DNM1L: variants seen among roughly 807,000 people sequenced by gnomAD.
DNM1L encodes the protein dynamin-1-like protein.
A neutral mutation model predicts 92.8 loss-of-function variants in DNM1L; 33 were observed. The observed-to-expected ratio is 0.36, with a 90% CI of 0.27 to 0.48. The LOEUF (loss-of-function observed/expected upper bound fraction) is 0.48, where lower values mean the gene tolerates loss of function less well. DNM1L is among the 20% of genes least tolerant of loss of function. The pLI is 0.99. For missense variants in DNM1L, 485 were observed against 888.8 expected (o/e 0.55, Z 5.78); for synonymous variants, 284 against 305.0 (o/e 0.93, Z 0.72).
At chr12:32,712,649 C>CAAAAAA (rs59906286) in intron 5 of DNM1L, among the ~76,000 whole-genome samples, 36 of 29,772 alleles carry the variant, frequency 1.2e-3, no homozygotes, top group Middle Eastern at 0.028. Flanking sequence ...GACCCTGTCT[C>CAAAAAA]AAAAAAAAAA....
intron 2 of DNM1L, among the ~76,000 whole-genome samples, chr12:32,702,069 G>T (rs986569213): frequency 2.0e-5 from 3 of 151,068 alleles, no homozygotes; most frequent in Non-Finnish European, 3.0e-5. Flanking sequence ...CCCCGTCTCT[G>T]CTAAAAATAC....
chr12:32,727,514 C>A, intron 9 of DNM1L: 2 of 542,344 alleles, frequency 3.7e-6, no homozygotes, highest in Non-Finnish European at 6.6e-6. Context: ...AAAAGAGACC[C>A]TATCTCTGAA....
chr12:32,705,182 TA>T (rs1952875545), intron 2 of DNM1L, among the ~76,000 whole-genome samples: 1 of 151,964 alleles, frequency 6.6e-6, no homozygotes, highest in Non-Finnish European at 1.5e-5. Flanking sequence ...TTTGTATTTT[TA>T]GTAGAGACGG....
rs1955482783 is a variant in DNM1L at position 32,743,859 on chromosome 12, G to GT, written c.*450dup. 1 of 160,918 alleles carries GT rather than the reference G, an allele frequency of 6.2e-6. No individual in the cohort carries two copies. The highest frequency in any genetic ancestry group is 1.4e-5 in the Non-Finnish European group (1 of 72,960). 10.0% of individuals were successfully genotyped at this position (160,918 alleles called of 1,614,324 possible). On this transcript the variant is annotated 3_prime_UTR_variant, in exon 20 of 20. Coordinates refer to ENST00000549701, the MANE Select transcript of DNM1L (RefSeq NM_012062.5). ...ATAAGCTGATCTGGCTTTGAAAGAT[G>GT]TGAGTTGGCAAGTTCCTCACATAGA...
chr12:32,725,909 G>GTTT (rs1401367200), intron 9 of DNM1L, among the ~76,000 whole-genome samples: 1 of 144,274 alleles, frequency 6.9e-6, no homozygotes. Flanking sequence ...CTGGCATGCC[G>GTTT]GTTTTTTTTT....
At chr12:32,720,911 T>C (rs753469971) in intron 8 of DNM1L, 116 bp downstream of exon 8, 12 of 1,351,984 alleles carry the variant, frequency 8.9e-6, no homozygotes, top group Non-Finnish European at 1.2e-5. Context: ...TCACTTATGG[T>C]TTCTTATATA....
rs776561736 is a variant in DNM1L, at chr12:32,701,496, C to T, written c.184C>T (p.Pro62Ser). 1 of 1,613,846 alleles carries T rather than the reference C, an allele frequency of 6.2e-7. No homozygotes were observed. Among genetic ancestry groups the T allele is most frequent in the Admixed American group, 1.7e-5 (1 of 60,010 alleles). The change falls in exon 2 of 20, where the codon CCT becomes TCT. Residue 62 changes from proline to serine, a missense_variant. Physicochemically the swap from Pro to Ser is moderately conservative, Grantham distance 74. Around this residue, in one of 11 missense-constraint regions of DNM1L, gnomAD observed 159 missense variants for 275.9 expected, o/e 0.58. Transcript: ENST00000549701. Reference sequence around the variant, plus strand: ...AGGTACTGGAATTGTCACCCGGAGACCTCTCATTCTGCAACTGGTCCATGT... The same window carrying T: ...AGGTACTGGAATTGTCACCCGGAGATCTCTCATTCTGCAACTGGTCCATGT... The part of the protein sequence containing the change: ...PRGTGIVTRR[P>S]LILQLVHVSQ...
At chr12:32,732,157 AATC>A (rs1954597948) in intron 12 of DNM1L, among the ~76,000 whole-genome samples, 1 of 152,168 alleles carries the variant, frequency 6.6e-6, no homozygotes, top group Non-Finnish European at 1.5e-5. Context: ...TTCATATTTT[AATC>A]ATTGTTAGCC....
intron 16 of DNM1L, among the ~76,000 whole-genome samples, chr12:32,739,486 C>T (rs1955130472): frequency 6.6e-6 from 1 of 152,214 alleles, no homozygotes; most frequent in Non-Finnish European, 1.5e-5. Context: ...TTTGAAACAA[C>T]TCACAGTGAC....
chr12:32,739,946 C>T, intron 16 of DNM1L, 118 bp from the exon 17 acceptor site: 1 of 1,314,710 alleles, frequency 7.6e-7, no homozygotes, highest in South Asian at 1.3e-5. Context: ...CATTATCTGT[C>T]TGAATAAACT....
intron 2 of DNM1L, 85 bp from the exon 3 acceptor site, chr12:32,707,282 T>C: frequency 9.8e-7 from 1 of 1,022,522 alleles, no homozygotes; most frequent in Middle Eastern, 2.4e-4. Flanking sequence ...AGTTAAGAAG[T>C]GTTTTATTAT....
chr12:32,723,981 C>A (rs1457918683), intron 9 of DNM1L, among the ~76,000 whole-genome samples: 1 of 152,084 alleles, frequency 6.6e-6, no homozygotes, highest in Non-Finnish European at 1.5e-5. Context: ...AAAATGAATT[C>A]AATGTAATTT....
Position 32,713,223 on chromosome 12 carries a change from T to G in DNM1L, c.471T>G (p.Asp157Glu), listed in dbSNP as rs776124108. Residue 157 changes from aspartate to glutamate, a missense_variant, in exon 6 of 20, where the codon GAT becomes GAG. Transcript: ENST00000549701. ...LPGMTKVPVG[D>E]QPKDIELQIR... Reference sequence around the variant, plus strand: ...GTTTGGTTTAGGTGCCTGTAGGTGATCAACCTAAGGATATTGAGCTTCAAA... The same window carrying G: ...GTTTGGTTTAGGTGCCTGTAGGTGAGCAACCTAAGGATATTGAGCTTCAAA... 6 of 1,613,852 alleles carry G rather than the reference T, an allele frequency of 3.7e-6. No homozygotes were observed. The highest frequency in any genetic ancestry group is 5.1e-6 in the Non-Finnish European group (6 of 1,179,952).
chr12:32,738,784 T>G (rs1955083878), intron 16 of DNM1L, among the ~76,000 whole-genome samples: 1 of 152,026 alleles, frequency 6.6e-6, no homozygotes, highest in African/African-American at 2.4e-5. Flanking sequence ...TGATAACCAT[T>G]TTAGAGGAAA....
intron 13 of DNM1L, among the ~76,000 whole-genome samples, chr12:32,736,740 T>TAA (rs1204210545): frequency 1.3e-5 from 2 of 152,188 alleles, no homozygotes; most frequent in Non-Finnish European, 2.9e-5. Flanking sequence ...TCCACATGGT[T>TAA]ATGTTGAAGG....
In DNM1L at chr12:32,737,906, G is replaced by C. The variant is rs777005596; in HGVS notation, c.1638G>C (p.Glu546Asp). The change falls in exon 15 of 20, where the codon GAG (glutamate) becomes GAC (aspartate). Residue 546 changes from glutamate (E) to aspartate (D), a missense_variant. Physicochemically the swap from Glu to Asp is conservative, Grantham distance 45. This residue lies in a region of DNM1L where 65 missense variants were observed against 59.4 expected (regional missense o/e 1.09). Coordinates refer to ENST00000549701, the MANE Select transcript of DNM1L (RefSeq NM_012062.5). ...VPSALAPASQ[E>D]PSPAASAEAD... ...GTGCTTTGGCACCTGCCTCCCAGGA[G>C]CCCTCCCCCGCTGCTTCTGCTGAGG... 1.2e-6 allele frequency: 2 copies of C among 1,613,986 alleles called. No individual in the cohort carries two copies. Among genetic ancestry groups the C allele is most frequent in the Non-Finnish European group, 1.7e-6 (2 of 1,179,982 alleles).
At chr12:32,711,278 T>G in intron 5 of DNM1L, 2 of 412,262 alleles carry the variant, frequency 4.9e-6, no homozygotes. Context: ...AAACAGTAAG[T>G]GCCCCAGAGC....
chr12:32,730,629 GA>G (rs1451997279), intron 9 of DNM1L, among the ~76,000 whole-genome samples: 1 of 149,520 alleles, frequency 6.7e-6, no homozygotes, highest in Non-Finnish European at 1.5e-5. Context: ...AATACTATGT[GA>G]CCCTTTATGG....
Position 32,745,289 on chromosome 12 carries a change from AAAAC to A in DNM1L, c.*1883_*1886del, listed in dbSNP as rs1386564660. ...GTCCTTTGAATTTGTAAGGGGAAAA[AAAAC>A]AAAAACAAAAACTTACGATGCACTT... On this transcript the variant is annotated 3_prime_UTR_variant, in exon 20 of 20. Transcript: ENST00000549701. 1 of 226,332 alleles carries A rather than the reference AAAAC, an allele frequency of 4.4e-6. No homozygotes were observed. The highest frequency in any genetic ancestry group is 8.7e-6 in the Non-Finnish European group (1 of 115,602). 14.0% of individuals were successfully genotyped at this position (226,332 alleles called of 1,614,324 possible).
Sources: gnomAD v4.1 joint callset for allele counts (sites outside exome capture counted in the v4.1 genomes callset) on GRCh38, gnomAD v4.1.1 for gene constraint, gnomAD v4.1.1 regional missense constraint, MANE v1.5 for transcripts, NCBI Gene and HGNC (gene_info 2026-07-23, HGNC 2026-07-21) for gene names.